ERBB4: variants seen among roughly 807,000 people sequenced by gnomAD.
ERBB4 encodes the protein erb-b2 receptor tyrosine kinase 4.
Under a neutral mutation model 158.0 loss-of-function variants are expected in ERBB4, and 42 were observed. The observed-to-expected ratio is 0.27, with a 90% CI of 0.21 to 0.34. ERBB4 has a LOEUF of 0.34. ERBB4 is among the 10% of genes least tolerant of loss of function. The pLI is 1.00. For synonymous variants in ERBB4, 583 were observed against 558.7 expected (o/e 1.04, Z -0.61); for missense variants, 1,333 against 1,624.1 (o/e 0.82, Z 3.08).
chr2:211,782,376 G>A (rs1392671492), intron 4 of ERBB4, among the ~76,000 whole-genome samples: 1 of 152,138 alleles, frequency 6.6e-6, no homozygotes, highest in Non-Finnish European at 1.5e-5. Context: ...AAGCTTGACT[G>A]TTATCCTCAT....
intron 1 of ERBB4, among the ~76,000 whole-genome samples, chr2:212,187,078 T>C (rs1033455818): frequency 1.2e-4 from 18 of 152,184 alleles, no homozygotes; most frequent in Non-Finnish European, 2.2e-4. Flanking sequence ...AACCCTAAGG[T>C]CAAATACAGT....
chr2:211,809,027 G>T (rs1485673862), intron 3 of ERBB4, among the ~76,000 whole-genome samples: 3 of 152,158 alleles, frequency 2.0e-5, no homozygotes, highest in Non-Finnish European at 4.4e-5. Context: ...GAGATTTTGG[G>T]CTTAGATGAC....
chr2:212,372,417 G>A (rs775144788), intron 1 of ERBB4, among the ~76,000 whole-genome samples: 52 of 152,168 alleles, frequency 3.4e-4, no homozygotes, highest in Non-Finnish European at 6.2e-4. Context: ...AATCCTATAA[G>A]ATCCAAGCTT....
intron 4 of ERBB4, among the ~76,000 whole-genome samples, chr2:211,770,746 C>T (rs1358517905): frequency 6.6e-6 from 1 of 152,142 alleles, no homozygotes; most frequent in East Asian, 1.9e-4. Context: ...GCTTGAGGCT[C>T]TCAGAGGCCC....
chr2:211,973,275 C>T (rs1220685659), intron 2 of ERBB4, among the ~76,000 whole-genome samples: 1 of 151,664 alleles, frequency 6.6e-6, no homozygotes. Context: ...GATCTCAGCT[C>T]ACTGCAAGCT....
At chr2:212,410,644 A>G (rs2091469694) in intron 1 of ERBB4, among the ~76,000 whole-genome samples, 1 of 152,098 alleles carries the variant, frequency 6.6e-6, no homozygotes, top group Non-Finnish European at 1.5e-5. Flanking sequence ...CAATTTTGTG[A>G]ATGTTTTTCA....
chr2:211,926,077 C>T (rs749228053), intron 3 of ERBB4, among the ~76,000 whole-genome samples: 1 of 152,052 alleles, frequency 6.6e-6, no homozygotes, highest in Non-Finnish European at 1.5e-5. Flanking sequence ...GAGGTGGTTG[C>T]GTCAGTTGGC....
intron 1 of ERBB4, among the ~76,000 whole-genome samples, chr2:212,338,563 G>T: frequency 6.6e-6 from 1 of 152,008 alleles, no homozygotes; most frequent in Admixed American, 6.6e-5. Context: ...CATCACATGT[G>T]AAATAACTGA....
intron 1 of ERBB4, among the ~76,000 whole-genome samples, chr2:212,519,319 A>C (rs1162152946): frequency 6.6e-6 from 1 of 152,086 alleles, no homozygotes; most frequent in East Asian, 1.9e-4. Flanking sequence ...TACAGGTTTT[A>C]TGTAATATAA....
chr2:211,787,829 G>C (rs1484783607), intron 4 of ERBB4, among the ~76,000 whole-genome samples, 196 bp downstream of exon 4: 1 of 152,128 alleles, frequency 6.6e-6, no homozygotes, highest in East Asian at 1.9e-4. Context: ...AATTTGTGAA[G>C]AGGAAACATG....
intron 3 of ERBB4, among the ~76,000 whole-genome samples, chr2:211,832,689 C>T (rs80047297): frequency 0.011 from 1,607 of 150,826 alleles, 38 homozygotes; most frequent in African/African-American, 0.036. Context: ...CTAGTGATGG[C>T]AATTTCAAAA....
At chr2:212,358,344 A>C (rs112274212) in intron 1 of ERBB4, among the ~76,000 whole-genome samples, 21 of 151,518 alleles carry the variant, frequency 1.4e-4, no homozygotes, top group Non-Finnish European at 2.1e-4. Context: ...CAAATAACAC[A>C]CTCAGTTCTT....
chr2:211,700,233 C>T (rs1406051958), intron 12 of ERBB4, among the ~76,000 whole-genome samples: 1 of 152,056 alleles, frequency 6.6e-6, no homozygotes, highest in African/African-American at 2.4e-5. Context: ...TGTACACACA[C>T]ATATTGTGAT....
chr2:211,649,453 C>A (rs528591680), intron 16 of ERBB4, among the ~76,000 whole-genome samples: 2 of 151,908 alleles, frequency 1.3e-5, no homozygotes, highest in East Asian at 3.9e-4. Context: ...TTTTGGTTTT[C>A]CCTTTGGTCC....
At chr2:211,980,158 C>A (rs1345576571) in intron 2 of ERBB4, among the ~76,000 whole-genome samples, 1 of 152,048 alleles carries the variant, frequency 6.6e-6, no homozygotes, top group Non-Finnish European at 1.5e-5. Context: ...AGAATTGAGG[C>A]TTAGTTTTGA....
At chr2:211,570,151 G>A (rs2067672205) in intron 19 of ERBB4, among the ~76,000 whole-genome samples, 1 of 151,726 alleles carries the variant, frequency 6.6e-6, no homozygotes, top group Admixed American at 6.6e-5. Flanking sequence ...TGTTTTTTAT[G>A]TTTTATTATT....
intron 1 of ERBB4, among the ~76,000 whole-genome samples, chr2:212,298,689 T>C (rs2086508786): frequency 6.6e-6 from 1 of 151,668 alleles, no homozygotes; most frequent in African/African-American, 2.4e-5. Context: ...AAACATTTAC[T>C]AAGAGCTTCA....
intron 18 of ERBB4, among the ~76,000 whole-genome samples, chr2:211,623,204 C>CA (rs772898682): frequency 6.6e-6 from 1 of 150,888 alleles, no homozygotes; most frequent in Non-Finnish European, 1.5e-5. Context: ...GTAATTAAGG[C>CA]AAATAAGTAA....
At chr2:211,589,223 T>C (rs562797175) in intron 19 of ERBB4, among the ~76,000 whole-genome samples, 213 of 152,218 alleles carry the variant, frequency 1.4e-3, no homozygotes, top group Non-Finnish European at 2.3e-3. Flanking sequence ...GATTGTAAAA[T>C]GTAATCACAG....
Sources: gnomAD v4.1 joint callset for allele counts (sites outside exome capture counted in the v4.1 genomes callset) on GRCh38, gnomAD v4.1.1 for gene constraint, MANE v1.5 for transcripts, NCBI Gene and HGNC (gene_info 2026-07-23, HGNC 2026-07-21) for gene names.